CHRDL1: variants seen among roughly 807,000 people sequenced by gnomAD.
CHRDL1 encodes chordin like 1, also known as chordin-like protein 1.
Under a neutral mutation model 40.9 loss-of-function variants are expected in CHRDL1, and 19 were observed. That is an observed-to-expected ratio of 0.46 (90% CI 0.32 to 0.68). The LOEUF is 0.68. Among genes scored for constraint, CHRDL1 ranks in the 30% least tolerant of loss-of-function variants. The pLI is 0.03. For missense variants in CHRDL1, 329 were observed against 352.1 expected (o/e 0.93, Z 0.53); for synonymous variants, 136 against 123.4 (o/e 1.10, Z -0.68).
intron 5 of CHRDL1, among the ~76,000 whole-genome samples, chrX:110,720,252 G>A (rs183118188): frequency 5.5e-4 from 61 of 110,745 alleles, no homozygotes; most frequent in Non-Finnish European, 9.8e-4. Flanking sequence ...TCTGTTCATG[G>A]TACCCTTGGT....
At chrX:110,778,912 C>T (rs1360938328) in intron 2 of CHRDL1, among the ~76,000 whole-genome samples, 4 of 111,678 alleles carry the variant, frequency 3.6e-5, no homozygotes, top group Non-Finnish European at 7.6e-5. Context: ...GAATACTATG[C>T]GGCTATAAAA....
chrX:110,775,430 T>C (rs993927724), intron 2 of CHRDL1, among the ~76,000 whole-genome samples: 1 of 106,595 alleles, frequency 9.4e-6, no homozygotes, highest in Non-Finnish European at 1.9e-5. Context: ...AAGGGACAAA[T>C]TGTTCAATTA....
intron 4 of CHRDL1, among the ~76,000 whole-genome samples, chrX:110,724,557 C>A (rs754414283): frequency 1.0e-5 from 1 of 97,612 alleles, no homozygotes; most frequent in South Asian, 5.0e-4. Flanking sequence ...GGGTGGGGGG[C>A]GAATTACTGA....
intron 3 of CHRDL1, among the ~76,000 whole-genome samples, chrX:110,760,946 T>C (rs2148507804): frequency 9.0e-6 from 1 of 111,138 alleles, no homozygotes; most frequent in East Asian, 2.9e-4. Flanking sequence ...CTAAAGTGAA[T>C]CCTCATTAAT....
At chrX:110,744,991 AC>A (rs1569477562) in intron 4 of CHRDL1, among the ~76,000 whole-genome samples, 17 of 95,346 alleles carry the variant, frequency 1.8e-4, no homozygotes, top group African/African-American at 1.0e-3. Flanking sequence ...ACACACACAC[AC>A]ACATACATAC....
chrX:110,708,209 C>A, intron 6 of CHRDL1, among the ~76,000 whole-genome samples: 1 of 110,774 alleles, frequency 9.0e-6, no homozygotes, highest in Non-Finnish European at 1.9e-5. Context: ...TAAATTAGTT[C>A]AACCATTGTG....
chrX:110,788,510 G>T (rs1794537675), intron 2 of CHRDL1, among the ~76,000 whole-genome samples: 1 of 111,695 alleles, frequency 9.0e-6, no homozygotes, highest in African/African-American at 3.3e-5. Flanking sequence ...AAAAAACTTT[G>T]CCTTCTTTTG....
chrX:110,715,589 C>T (rs2070826538), intron 6 of CHRDL1, among the ~76,000 whole-genome samples: 1 of 111,735 alleles, frequency 8.9e-6, no homozygotes, highest in African/African-American at 3.3e-5. Flanking sequence ...TAGGTGGTAG[C>T]CCTGCAATGT....
intron 11 of CHRDL1, 68 bp downstream of exon 11, chrX:110,679,268 G>T: frequency 1.3e-6 from 1 of 746,251 alleles, no homozygotes; most frequent in Non-Finnish European, 2.1e-6. Flanking sequence ...AGGGACTTTA[G>T]CTGTGGCTAT....
At chrX:110,728,128 A>C (rs1415661688) in intron 4 of CHRDL1, among the ~76,000 whole-genome samples, 1 of 110,434 alleles carries the variant, frequency 9.1e-6, no homozygotes, top group Non-Finnish European at 1.9e-5. Flanking sequence ...AAATATATAT[A>C]TATATTCATA....
chrX:110,764,024 T>A (rs986387119), intron 2 of CHRDL1, among the ~76,000 whole-genome samples: 40 of 112,293 alleles, frequency 3.6e-4, no homozygotes, highest in African/African-American at 1.3e-3. Flanking sequence ...TTTTTTCATA[T>A]GTTTGTTGGG....
intron 6 of CHRDL1, among the ~76,000 whole-genome samples, chrX:110,705,304 T>TATATATATATATATATATATACACACAC (rs1491498596): frequency 1.2e-4 from 9 of 77,589 alleles, no homozygotes; most frequent in African/African-American, 5.1e-4. Context: ...TATATATATA[T>TATATATATATATATATATATACACACAC]ACACACACAC....
At chrX:110,751,289 C>G (rs773392800) in intron 4 of CHRDL1, among the ~76,000 whole-genome samples, 9 of 111,940 alleles carry the variant, frequency 8.0e-5, no homozygotes, top group Non-Finnish European at 3.8e-5. Context: ...ACTGTATATA[C>G]CAATAGCTTA....
intron 4 of CHRDL1, among the ~76,000 whole-genome samples, chrX:110,749,403 T>C (rs769212173): frequency 8.9e-6 from 1 of 112,077 alleles, no homozygotes; most frequent in South Asian, 3.8e-4. Flanking sequence ...CAGACAGCTT[T>C]GATTTAGCCC....
In CHRDL1 at chrX:110,689,520, ATATC is replaced by A. The variant is rs767791928; in HGVS notation, c.779-721_779-718del. Among the ~76,000 whole-genome samples the A allele has an allele frequency of 2.7e-3, 114 of 41,526 alleles. 19 individuals are homozygous for A. Among genetic ancestry groups the A allele is most frequent in the Admixed American group, 5.7e-3 (21 of 3,702 alleles). 36.1% of individuals were successfully genotyped at this position (41,526 alleles called of 115,157 possible). On this transcript the variant is annotated intron_variant, in intron 8 of 11. Transcript: ENST00000372042. ...TATATCTATATATCTATATCTCTAT[ATATC>A]TATCTATATATCTCTATATCTCTAT...
intron 8 of CHRDL1, among the ~76,000 whole-genome samples, chrX:110,690,339 C>A (rs762082338): frequency 9.3e-6 from 1 of 107,675 alleles, no homozygotes; most frequent in African/African-American, 3.4e-5. Flanking sequence ...CGAGCCACTG[C>A]GCCCAGCCAC....
At chrX:110,740,590 T>G (rs920264382) in intron 4 of CHRDL1, among the ~76,000 whole-genome samples, 5 of 112,579 alleles carry the variant, frequency 4.4e-5, no homozygotes, top group African/African-American at 1.3e-4. Context: ...TGTAGGTTGC[T>G]ACTGCATCAT....
intron 2 of CHRDL1, among the ~76,000 whole-genome samples, chrX:110,766,554 A>C (rs933036021): frequency 2.7e-5 from 3 of 111,833 alleles, no homozygotes; most frequent in African/African-American, 9.7e-5. Context: ...CAAGACTACT[A>C]TGAACACCTT....
At chrX:110,769,070 C>G (rs1363542911) in intron 2 of CHRDL1, among the ~76,000 whole-genome samples, 1 of 111,741 alleles carries the variant, frequency 8.9e-6, no homozygotes, top group African/African-American at 3.3e-5. Context: ...ATATATTTCT[C>G]CATCAGAGTC....
Sources: allele counts gnomAD v4.1 joint callset (sites outside exome capture counted in the v4.1 genomes callset), GRCh38; gene constraint gnomAD v4.1.1; transcripts MANE v1.5; gene names NCBI Gene and HGNC (gene_info 2026-07-23, HGNC 2026-07-21).